The following TSNARE1 variants were observed in gnomAD, a reference collection of about 807,000 sequenced individuals.
TSNARE1 encodes the protein t-SNARE domain-containing protein 1.
In TSNARE1, 49 loss-of-function variants were observed where a neutral mutation model predicts 62.0. The observed-to-expected ratio is 0.79, with a 90% CI of 0.63 to 1.00. TSNARE1 has a LOEUF of 1.00. Among genes scored for constraint, TSNARE1 ranks in the 50% least tolerant of loss-of-function variants. The pLI is 0.00. For synonymous variants in TSNARE1, 328 were observed against 294.4 expected, an observed-to-expected ratio of 1.11 and a Z score of -1.17; for missense variants, 755 against 700.1, an observed-to-expected ratio of 1.08 and a Z score of -0.88.
chr8:142,368,820 C>T (rs1457877613), intron 1 of TSNARE1, among the ~76,000 whole-genome samples: 2 of 152,202 alleles, frequency 1.3e-5, no homozygotes, highest in African/African-American at 2.4e-5. Flanking sequence ...TGGCTGAGTG[C>T]TGTGGCCCCA....
At chr8:142,281,132 C>T (rs1294094772) in intron 11 of TSNARE1, among the ~76,000 whole-genome samples, 1 of 152,164 alleles carries the variant, frequency 6.6e-6, no homozygotes, top group Non-Finnish European at 1.5e-5. Flanking sequence ...CAAGGTGAGG[C>T]CACAGCTCAG....
intron 12 of TSNARE1, chr8:142,271,577 G>C (rs774955351): frequency 5.7e-5 from 81 of 1,414,642 alleles, no homozygotes; most frequent in Non-Finnish European, 6.5e-5. Context: ...GGGTGAGGAG[G>C]TGGGTGCGTG....
chr8:142,300,429 G>C, intron 10 of TSNARE1, 57 bp downstream of exon 10: 2 of 1,541,404 alleles, frequency 1.3e-6, no homozygotes, highest in Non-Finnish European at 1.7e-6. Flanking sequence ...GGCTCCTCTG[G>C]TTCCCAGCCT....
At chr8:142,329,531 C>T (rs1830714963) in intron 6 of TSNARE1, among the ~76,000 whole-genome samples, 2 of 152,162 alleles carry the variant, frequency 1.3e-5, no homozygotes, top group South Asian at 2.1e-4. Flanking sequence ...GGAACCTGCC[C>T]ACCACACTGA....
At chr8:142,276,564 G>A (rs989130251) in intron 11 of TSNARE1, 9 of 985,318 alleles carry the variant, frequency 9.1e-6, no homozygotes, top group African/African-American at 1.7e-5. Flanking sequence ...AGGCCATGGT[G>A]GTCTGGGCTA....
intron 2 of TSNARE1, among the ~76,000 whole-genome samples, chr8:142,348,728 G>A (rs973184987): frequency 3.3e-5 from 5 of 150,328 alleles, no homozygotes; most frequent in East Asian, 4.0e-4. Flanking sequence ...GAGGCTGACC[G>A]CTGCTGGTGC....
chr8:142,219,853 C>A (rs1220437127), intron 13 of TSNARE1, among the ~76,000 whole-genome samples: 1 of 152,224 alleles, frequency 6.6e-6, no homozygotes, highest in Non-Finnish European at 1.5e-5. Context: ...CCCAGGACAA[C>A]CCATGGGCTG....
intron 2 of TSNARE1, among the ~76,000 whole-genome samples, chr8:142,350,349 A>G (rs1462259342): frequency 6.6e-6 from 1 of 152,264 alleles, no homozygotes; most frequent in Admixed American, 6.5e-5. Context: ...TAAGTTGAAC[A>G]TTTAGATAAA....
At chr8:142,274,319 C>T in intron 12 of TSNARE1, 14 of 985,430 alleles carry the variant, frequency 1.4e-5, no homozygotes, top group Non-Finnish European at 1.7e-5. Context: ...GGCTAGTCCT[C>T]AAGGTAGCTC....
intron 12 of TSNARE1, among the ~76,000 whole-genome samples, chr8:142,255,342 C>T (rs960773658): frequency 1.5e-4 from 23 of 151,232 alleles, no homozygotes; most frequent in Non-Finnish European, 3.2e-4. Flanking sequence ...ACCACCATCA[C>T]CACCACCACA....
At chr8:142,249,945 C>G (rs1264094224) in intron 12 of TSNARE1, among the ~76,000 whole-genome samples, 1 of 152,234 alleles carries the variant, frequency 6.6e-6, no homozygotes, top group African/African-American at 2.4e-5. Flanking sequence ...GCTTAATAGC[C>G]TGGGCTGATG....
At chr8:142,264,591 A>T (rs1160354191) in intron 12 of TSNARE1, among the ~76,000 whole-genome samples, 2 of 152,188 alleles carry the variant, frequency 1.3e-5, no homozygotes, top group Non-Finnish European at 2.9e-5. Context: ...TATTTTATTA[A>T]GTGTAGAAGG....
chr8:142,356,878 C>G (rs1168436827), intron 1 of TSNARE1, among the ~76,000 whole-genome samples: 1 of 151,994 alleles, frequency 6.6e-6, no homozygotes, highest in Non-Finnish European at 1.5e-5. Context: ...TCTGTACTGC[C>G]CTCAAAGGAA....
At chr8:142,269,279 T>C (rs1368244444) in intron 12 of TSNARE1, among the ~76,000 whole-genome samples, 1 of 152,158 alleles carries the variant, frequency 6.6e-6, no homozygotes, top group East Asian at 1.9e-4. Flanking sequence ...CAATGCTCCA[T>C]GTGTAACTGG....
intron 12 of TSNARE1, chr8:142,273,898 AC>A: frequency 1.0e-6 from 1 of 984,290 alleles, no homozygotes; most frequent in South Asian, 4.7e-5. Flanking sequence ...CTCTCTCGTC[AC>A]ACCTGCCTGT....
At chr8:142,364,362 GCA>G (rs1315509311) in intron 1 of TSNARE1, among the ~76,000 whole-genome samples, 4 of 152,192 alleles carry the variant, frequency 2.6e-5, no homozygotes, top group Admixed American at 2.6e-4. Flanking sequence ...TTTTTAAGAT[GCA>G]CAGAGAAATA....
chr8:142,270,889 C>T, intron 12 of TSNARE1: 3 of 985,548 alleles, frequency 3.0e-6, no homozygotes, highest in South Asian at 4.7e-5. Context: ...AGGTCACCAC[C>T]CTCTACAGGC....
At position 142,317,018 on chromosome 8, in the gene TSNARE1, C is replaced by T. The variant is rs1475615817; in HGVS notation, c.984+1526G>A. ...ACCTACGGCAGGGACAGATTGGCGT[C>T]TCGCTCACACTGTGCACGTGAAGCA... is the stretch of plus-strand genomic sequence containing the variant. On this transcript the variant is annotated intron_variant, in intron 7 of 13. Coordinates refer to ENST00000524325, the MANE Select transcript of TSNARE1 (RefSeq NM_145003.5). Among the ~76,000 whole-genome samples, 3 of 151,964 alleles carry T rather than the reference C, an allele frequency of 2.0e-5. No individual in the cohort carries two copies. In the East Asian group the frequency reaches 5.8e-4, roughly 30 times the overall value.
chr8:142,308,567 T>C (rs1204686019), intron 9 of TSNARE1, among the ~76,000 whole-genome samples: 6 of 152,246 alleles, frequency 3.9e-5, no homozygotes, highest in East Asian at 1.9e-4. Context: ...GGTGTGTCCA[T>C]AGGCTGGTGT....
Sources: gnomAD v4.1 joint callset for allele counts (sites outside exome capture counted in the v4.1 genomes callset) on GRCh38, gnomAD v4.1.1 for gene constraint, MANE v1.5 for transcripts, NCBI Gene and HGNC (gene_info 2026-07-23, HGNC 2026-07-21) for gene names.